Variants in TMEM132C observed in about 807,000 individuals in gnomAD.
TMEM132C encodes protein phosphatase 1, regulatory subunit 152.
A neutral mutation model predicts 61.4 loss-of-function variants in TMEM132C; 29 were observed. The ratio of observed to expected loss-of-function variants is 0.47; its 90% CI spans 0.35 to 0.64. The LOEUF is 0.64. TMEM132C is among the 30% of genes least tolerant of loss of function. TMEM132C has a pLI of 0.00. For missense variants in TMEM132C, 1,408 were observed against 1,476.9 expected, an observed-to-expected ratio of 0.95 and a Z score of 0.76; for synonymous variants, 656 against 633.1, an observed-to-expected ratio of 1.04 and a Z score of -0.54.
intron 2 of TMEM132C, among the ~76,000 whole-genome samples, chr12:128,422,332 C>T (rs1010296638): frequency 3.3e-5 from 5 of 152,142 alleles, no homozygotes; most frequent in Non-Finnish European, 7.3e-5. Context: ...TCAGTCTTGA[C>T]CCTGCAGGTT....
intron 1 of TMEM132C, among the ~76,000 whole-genome samples, chr12:128,360,950 A>G (rs1873690615): frequency 6.6e-6 from 1 of 152,170 alleles, no homozygotes; most frequent in Admixed American, 6.5e-5. Context: ...CATGCTGACC[A>G]TATTTCTCAT....
At chr12:128,658,881 T>A (rs1954357048) in intron 4 of TMEM132C, among the ~76,000 whole-genome samples, 1 of 152,250 alleles carries the variant, frequency 6.6e-6, no homozygotes, top group African/African-American at 2.4e-5. Context: ...GAAGCCATCA[T>A]GCTGATGTTG....
intron 3 of TMEM132C, among the ~76,000 whole-genome samples, chr12:128,581,320 G>T (rs1281627296): frequency 2.6e-5 from 4 of 151,490 alleles, no homozygotes; most frequent in African/African-American, 9.7e-5. Flanking sequence ...GCAAATCACA[G>T]TGAGTTCCAA....
chr12:128,461,979 G>A (rs1475944144), intron 2 of TMEM132C, among the ~76,000 whole-genome samples: 2 of 152,172 alleles, frequency 1.3e-5, no homozygotes, highest in Non-Finnish European at 2.9e-5. Context: ...GGATTGGAGC[G>A]GGTGCCTCAT....
chr12:128,642,603 C>T (rs554112141), intron 4 of TMEM132C, among the ~76,000 whole-genome samples: 3 of 152,288 alleles, frequency 2.0e-5, no homozygotes, highest in African/African-American at 7.2e-5. Flanking sequence ...CTCCCTCTCT[C>T]GCCATGTGAT....
intron 2 of TMEM132C, among the ~76,000 whole-genome samples, chr12:128,474,515 T>A (rs759392585): frequency 6.6e-5 from 10 of 152,178 alleles, no homozygotes; most frequent in Non-Finnish European, 1.5e-4. Flanking sequence ...GAGACACAGT[T>A]TATCTTGCAG....
At chr12:128,549,466 C>T (rs571624239) in intron 3 of TMEM132C, among the ~76,000 whole-genome samples, 1 of 152,222 alleles carries the variant, frequency 6.6e-6, no homozygotes, top group South Asian at 2.1e-4. Flanking sequence ...CTGAAATGTT[C>T]TTGCACAGTT....
chr12:128,675,135 A>C (rs1290096564), intron 5 of TMEM132C, among the ~76,000 whole-genome samples: 1 of 151,874 alleles, frequency 6.6e-6, no homozygotes, highest in Non-Finnish European at 1.5e-5. Flanking sequence ...TTTCCTCCTC[A>C]ATTTCATTCA....
chr12:128,452,627 C>A (rs1255565456), intron 2 of TMEM132C, among the ~76,000 whole-genome samples: 2 of 151,420 alleles, frequency 1.3e-5, no homozygotes. Context: ...TCGCTTGAAC[C>A]CGGGAGGCAG....
At position 128,697,895 on chromosome 12, in the gene TMEM132C, A is replaced by G. The variant is rs576325555; in HGVS notation, c.2121+480A>G. On this transcript the variant is annotated intron_variant, in intron 8 of 8. Transcript: ENST00000435159. ...CTTGCACTTCTTTAGGGGTTTTGCA[A>G]TTGCTGTTGCTTTTACCTGAGACAC... 9.9e-5 allele frequency among the ~76,000 whole-genome samples: 15 copies of G among 152,212 alleles called. No individual in the cohort carries two copies. The South Asian group carries it at 2.1e-3, about 21-fold the overall frequency.
intron 3 of TMEM132C, among the ~76,000 whole-genome samples, chr12:128,582,713 G>A (rs181359270): frequency 2.4e-4 from 37 of 152,138 alleles, no homozygotes; most frequent in African/African-American, 7.5e-4. Flanking sequence ...TCATGATTCC[G>A]AGGCCTCCCT....
At chr12:128,329,668 C>T (rs1872620894) in intron 1 of TMEM132C, among the ~76,000 whole-genome samples, 1 of 152,116 alleles carries the variant, frequency 6.6e-6, no homozygotes, top group Admixed American at 6.5e-5. Context: ...CCGTGCTGCA[C>T]CTCGGAGACC....
intron 4 of TMEM132C, among the ~76,000 whole-genome samples, chr12:128,664,654 T>C (rs1954438374): frequency 6.6e-6 from 1 of 152,092 alleles, no homozygotes; most frequent in Non-Finnish European, 1.5e-5. Context: ...CTGCCTTCTG[T>C]GATGCTAAAC....
At chr12:128,291,577 C>T (rs1163015062) in intron 1 of TMEM132C, among the ~76,000 whole-genome samples, 1 of 152,192 alleles carries the variant, frequency 6.6e-6, no homozygotes, top group Non-Finnish European at 1.5e-5. Flanking sequence ...GTTTAGCTTC[C>T]TGTTTTCCCA....
At chr12:128,276,105 GAA>G (rs1870681233) in intron 1 of TMEM132C, among the ~76,000 whole-genome samples, 1 of 152,178 alleles carries the variant, frequency 6.6e-6, no homozygotes, top group South Asian at 2.1e-4. Flanking sequence ...AATGACATCT[GAA>G]AAGAGATTTT....
At chr12:128,655,632 G>A (rs1484534751) in intron 4 of TMEM132C, among the ~76,000 whole-genome samples, 1 of 151,898 alleles carries the variant, frequency 6.6e-6, no homozygotes, top group African/African-American at 2.4e-5. Context: ...GTCAGTCTCT[G>A]CTTTCTCCTT....
At chr12:128,632,255 C>CA (rs11442366) in intron 4 of TMEM132C, among the ~76,000 whole-genome samples, 19,041 of 152,174 alleles carry the variant, frequency 0.13, 1,301 homozygotes, top group Non-Finnish European at 0.16. Context: ...CTCACCAGTG[C>CA]AGCAAGGATT....
In TMEM132C at chr12:128,364,984, G is replaced by A. The variant is rs1873817978; in HGVS notation, c.86-49748G>A. Among the ~76,000 whole-genome samples, 9 of 152,240 alleles carry A rather than the reference G, an allele frequency of 5.9e-5. No individual in the cohort carries two copies. The South Asian group carries it at 1.9e-3, about 32-fold the overall frequency. On this transcript the variant is annotated intron_variant, in intron 1 of 8. Coordinates refer to ENST00000435159, the MANE Select transcript of TMEM132C (RefSeq NM_001136103.3). ...ATCTGCGGGTAAGGAGGTGTCCCCA[G>A]TGCTTTTCCTGGATCATTTATGTTG...
chr12:128,696,047 A>G lies in TMEM132C; in HGVS notation c.1873A>G (p.Thr625Ala). ...FMKLEEPHVA[T>A]LQDSRVLVGR... ...GAAGCTGGAGGAACCTCACGTGGCC[A>G]CCCTCCAGGACAGCCGGGTCCTGGT... Residue 625 changes from threonine (T) to alanine (A), a missense_variant, in exon 7 of 9, where the codon ACC (threonine) becomes GCC (alanine). Transcript: ENST00000435159. The G allele has an allele frequency of 6.4e-7, 1 of 1,551,602 alleles. No homozygotes were observed. The highest frequency in any genetic ancestry group is 8.7e-7 in the Non-Finnish European group (1 of 1,146,994).
Sources: gnomAD v4.1 joint callset for allele counts (sites outside exome capture counted in the v4.1 genomes callset) on GRCh38, gnomAD v4.1.1 for gene constraint, MANE v1.5 for transcripts, NCBI Gene and HGNC (gene_info 2026-07-23, HGNC 2026-07-21) for gene names.